The following ADGRG4 variants were observed in gnomAD, a reference collection of about 807,000 sequenced individuals.
ADGRG4 encodes the protein G protein-coupled receptor 112.
In ADGRG4, 122 loss-of-function variants were observed where a neutral mutation model predicts 126.2. The observed-to-expected ratio is 0.97, with a 90% CI of 0.83 to 1.12. The LOEUF is 1.12. Among genes scored for constraint, ADGRG4 ranks in the 50% most tolerant of loss-of-function variants. ADGRG4 has a pLI of 0.00. For missense variants in ADGRG4, 2,481 were observed against 2,251.8 expected, an observed-to-expected ratio of 1.10 and a Z score of -2.06; for synonymous variants, 943 against 838.7, an observed-to-expected ratio of 1.12 and a Z score of -2.15.
In ADGRG4 at chrX:136,410,486, G is replaced by T. The variant is rs373540016; in HGVS notation, c.8936-1779G>T. Among the ~76,000 whole-genome samples, 7 of 111,705 alleles carry T rather than the reference G, an allele frequency of 6.3e-5. No individual in the cohort carries two copies. The East Asian group carries it at 1.4e-3, about 22-fold the overall frequency. The stretch of plus-strand genomic sequence containing the variant: ...AATTTGCTTTGGGACATTTACAATA[G>T]ACTGGTGCTCAGTTTACAATGGGTT... On this transcript the variant is annotated intron_variant, in intron 23 of 25. Coordinates refer to ENST00000394143, the MANE Select transcript of ADGRG4 (RefSeq NM_153834.4).
At chrX:136,387,119 A>T (rs1410593742) in intron 15 of ADGRG4, among the ~76,000 whole-genome samples, 1 of 111,697 alleles carries the variant, frequency 9.0e-6, no homozygotes, top group East Asian at 2.8e-4. Flanking sequence ...AGCCTTCATG[A>T]CCTAAACATA....
chrX:136,329,977 T>C (rs920507432), intron 5 of ADGRG4, among the ~76,000 whole-genome samples: 1 of 111,525 alleles, frequency 9.0e-6, no homozygotes, highest in East Asian at 2.8e-4. Context: ...TAGATTCACA[T>C]GCAGTTGGAA....
chrX:136,355,557 C>T (rs1221511190), intron 8 of ADGRG4, among the ~76,000 whole-genome samples: 1 of 111,099 alleles, frequency 9.0e-6, no homozygotes, highest in Non-Finnish European at 1.9e-5. Context: ...ATAACATGGA[C>T]GGTAAAAATC....
chrX:136,317,499 CAAAA>C (rs35736381), intron 4 of ADGRG4, among the ~76,000 whole-genome samples: 1 of 40,648 alleles, frequency 2.5e-5, no homozygotes, highest in Non-Finnish European at 4.3e-5. Context: ...GACTCCATCT[CAAAA>C]AAAAAAAAAA....
intron 5 of ADGRG4, among the ~76,000 whole-genome samples, chrX:136,340,610 G>C (rs1157804462): frequency 9.0e-6 from 1 of 111,467 alleles, no homozygotes; most frequent in African/African-American, 3.3e-5. Context: ...CCTTCAGAAA[G>C]AGTCTCTTTC....
intron 16 of ADGRG4, among the ~76,000 whole-genome samples, chrX:136,390,547 C>T (rs777582114): frequency 4.5e-5 from 5 of 111,156 alleles, no homozygotes; most frequent in Admixed American, 1.9e-4. Context: ...AAGGTCTCAG[C>T]GGAGCCCTGA....
chrX:136,360,489 T>A (rs1439922625), intron 11 of ADGRG4, among the ~76,000 whole-genome samples: 1 of 111,260 alleles, frequency 9.0e-6, no homozygotes, highest in Non-Finnish European at 1.9e-5. Context: ...ACACCTATAA[T>A]CCCAGAACTT....
intron 3 of ADGRG4, among the ~76,000 whole-genome samples, chrX:136,308,370 A>G (rs149236997): frequency 4.1e-4 from 46 of 112,033 alleles, no homozygotes; most frequent in African/African-American, 1.5e-3. Context: ...TCGGCCTCCC[A>G]AAGTGCTGGG....
At chrX:136,379,539 TCTC>T (rs1283474878) in intron 15 of ADGRG4, among the ~76,000 whole-genome samples, 1 of 104,773 alleles carries the variant, frequency 9.5e-6, no homozygotes, top group Non-Finnish European at 2.0e-5. Flanking sequence ...CTCCCTCTCT[TCTC>T]CTCTCCTTTC....
rs1358899183 is a variant in ADGRG4, at chrX:136,344,595, A to G, written c.889A>G (p.Met297Val). The G allele has an allele frequency of 1.7e-6, 2 of 1,206,302 alleles. No homozygotes were observed. Among genetic ancestry groups the G allele is most frequent in the Admixed American group, 2.2e-5 (1 of 45,872 alleles). Residue 297 changes from methionine (M) to valine (V), a missense_variant, in exon 6 of 26, where the codon ATG becomes GTG. Met to Val is a conservative substitution (Grantham distance 21). Coordinates refer to ENST00000394143, the MANE Select transcript of ADGRG4 (RefSeq NM_153834.4). ...SNTTSPPLET[M>V]TAQKILKTLV... ...TACAACATCTCCACCTCTGGAAACAATGACTGCACAAAAAATCTTAAAGAC... is the reference window on the plus strand; with the variant it reads ...TACAACATCTCCACCTCTGGAAACAGTGACTGCACAAAAAATCTTAAAGAC...
In ADGRG4 at chrX:136,371,515, C is replaced by T. The variant is rs777504253; in HGVS notation, c.7584C>T (p.Ser2528=). The T allele has an allele frequency of 2.1e-5, 25 of 1,178,673 alleles. No homozygotes were observed. The South Asian group carries it at 3.0e-4, about 14-fold the overall frequency. Reference sequence around the variant, plus strand: ...TTGTTTTGGAAAAGCAAAACAATTCCGCCTCTGATCTGCATGAAATAAGCA... The same window carrying T: ...TTGTTTTGGAAAAGCAAAACAATTCTGCCTCTGATCTGCATGAAATAAGCA... The part of the protein sequence containing the change: ...INVVLEKQNN[S]ASDLHEISNE... Residue 2528 remains serine, a synonymous_variant, in exon 14 of 26, where the codon TCC becomes TCT. Transcript: ENST00000394143.
At chrX:136,317,431 C>T (rs1205996077) in intron 4 of ADGRG4, among the ~76,000 whole-genome samples, 5 of 96,708 alleles carry the variant, frequency 5.2e-5, no homozygotes, top group African/African-American at 1.2e-4. Flanking sequence ...ACCCAGGAAG[C>T]GGAGGTTGCA....
intron 4 of ADGRG4, among the ~76,000 whole-genome samples, chrX:136,309,287 G>GCAAA (rs1185351156): frequency 8.9e-6 from 1 of 112,272 alleles, no homozygotes; most frequent in Non-Finnish European, 1.9e-5. Context: ...ACTGAGGCAT[G>GCAAA]CAAACAGCTG....
Position 136,348,839 on chromosome X carries a change from G to A in ADGRG4, c.5133G>A (p.Glu1711=), listed in dbSNP as rs1321869983. Reference sequence around the variant, plus strand: ...CTCAACAGTCATCACAAGCAGATGAGGCTACAACTTTGGGCATATTATCTG... The same window carrying A: ...CTCAACAGTCATCACAAGCAGATGAAGCTACAACTTTGGGCATATTATCTG... ...SATQQSSQAD[E]ATTLGILSGI... is the part of the protein sequence containing the mutation. Residue 1711 remains glutamate, a synonymous_variant, in exon 6 of 26, where the codon GAG becomes GAA. Coordinates refer to ENST00000394143, the MANE Select transcript of ADGRG4 (RefSeq NM_153834.4). The A allele has an allele frequency of 2.5e-6, 3 of 1,209,496 alleles. No homozygotes were observed. The highest frequency in any genetic ancestry group is 3.4e-6 in the Non-Finnish European group (3 of 894,767).
At position 136,392,368 on chromosome X, in the gene ADGRG4, T is replaced by C. The variant is rs1569336055; in HGVS notation, c.8034+14T>C. ...GGAGGAAACCAGGTAATATATCTAT[T>C]TTCAGCTCAGAATCAAATGGCCTCA... On this transcript the variant is annotated intron_variant, in intron 17 of 25. Coordinates refer to ENST00000394143, the MANE Select transcript of ADGRG4 (RefSeq NM_153834.4). 8.8e-7 allele frequency: 1 copy of C among 1,135,726 alleles called. No homozygotes were observed. Among genetic ancestry groups the C allele is most frequent in the Non-Finnish European group, 1.2e-6 (1 of 851,951 alleles). 93.6% of individuals were successfully genotyped at this position (1,135,726 alleles called of 1,213,427 possible).
rs751388263 is a variant in ADGRG4 at position 136,414,178 on chromosome X, A to G, written c.9056A>G (p.Gln3019Arg). 3 of 1,197,867 alleles carry G rather than the reference A, an allele frequency of 2.5e-6. No individual in the cohort carries two copies. The highest frequency in any genetic ancestry group is 5.9e-5 in the East Asian group (2 of 33,630). The change falls in exon 25 of 26, where the codon CAG becomes CGG. Residue 3019 changes from glutamine (Q) to arginine (R), a missense_variant. By Grantham distance (43) the Gln-to-Arg change is conservative. Coordinates refer to ENST00000394143, the MANE Select transcript of ADGRG4 (RefSeq NM_153834.4). ...ATTTCAGATGGGAGCAGCCGGTGTC[A>G]GATAAAGGTTGGATATAAACAGGAG... ...DNSSDGSSRC[Q>R]IKVGYKQEGL...
At chrX:136,413,488 C>G (rs982923046) in intron 24 of ADGRG4, among the ~76,000 whole-genome samples, 2 of 110,840 alleles carry the variant, frequency 1.8e-5, no homozygotes, top group East Asian at 5.7e-4. Flanking sequence ...CAGCCAGAAT[C>G]TACAATGAAC....
intron 5 of ADGRG4, among the ~76,000 whole-genome samples, chrX:136,342,762 C>T (rs757199530): frequency 1.8e-5 from 2 of 110,032 alleles, no homozygotes; most frequent in Non-Finnish European, 3.8e-5. Flanking sequence ...GGGGACTTAG[C>T]ACAAATTGAG....
intron 4 of ADGRG4, among the ~76,000 whole-genome samples, chrX:136,315,267 T>C (rs2074797983): frequency 9.1e-6 from 1 of 110,263 alleles, no homozygotes; most frequent in African/African-American, 3.3e-5. Flanking sequence ...CAGGTACCTA[T>C]TGATTATATC....
Sources: gnomAD v4.1 joint callset for allele counts (sites outside exome capture counted in the v4.1 genomes callset) on GRCh38, gnomAD v4.1.1 for gene constraint, MANE v1.5 for transcripts, NCBI Gene and HGNC (gene_info 2026-07-23, HGNC 2026-07-21) for gene names.